HDAC8: variants seen among roughly 807,000 people sequenced by gnomAD.
HDAC8 encodes histone deacetylase-like 1.
Under a neutral mutation model 32.2 loss-of-function variants are expected in HDAC8, and 1 was observed. The ratio of observed to expected loss-of-function variants is 0.03; its 90% CI spans 0.01 to 0.15. The LOEUF (loss-of-function observed/expected upper bound fraction) is 0.15. HDAC8 is among the 10% of genes least tolerant of loss of function. The pLI, the probability that HDAC8 is intolerant of heterozygous loss-of-function variation, is 1.00. For missense variants in HDAC8, 117 were observed against 300.0 expected (o/e 0.39, Z 4.51); for synonymous variants, 108 against 113.9 (o/e 0.95, Z 0.33).
intron 9 of HDAC8, among the ~76,000 whole-genome samples, chrX:72,428,892 T>C (rs1345701922): frequency 8.9e-6 from 1 of 112,007 alleles, no homozygotes. Flanking sequence ...TTTTCTCTCC[T>C]ATGGACGTAG....
chrX:72,556,298 C>A (rs182761074), intron 4 of HDAC8, among the ~76,000 whole-genome samples: 82 of 111,699 alleles, frequency 7.3e-4, no homozygotes, highest in African/African-American at 2.4e-3. Flanking sequence ...GAAATAGAAG[C>A]TCCTTAAAGC....
chrX:72,528,486 C>T (rs1446781744), intron 4 of HDAC8, among the ~76,000 whole-genome samples: 2 of 111,857 alleles, frequency 1.8e-5, no homozygotes, highest in Non-Finnish European at 3.8e-5. Context: ...AAATGGGCTT[C>T]CCCAGGGAAA....
At chrX:72,560,181 A>G (rs1400060570) in intron 4 of HDAC8, among the ~76,000 whole-genome samples, 1 of 112,246 alleles carries the variant, frequency 8.9e-6, no homozygotes, top group Non-Finnish European at 1.9e-5. Flanking sequence ...GTGTAGAGGG[A>G]AGTAGACGTA....
chrX:72,399,546 T>A (rs1426341297), intron 9 of HDAC8, among the ~76,000 whole-genome samples: 1 of 112,217 alleles, frequency 8.9e-6, no homozygotes, highest in Non-Finnish European at 1.9e-5. Flanking sequence ...CTATATTGAT[T>A]GATTCAGACT....
chrX:72,537,986 T>C (rs2050583675), intron 4 of HDAC8, among the ~76,000 whole-genome samples: 2 of 111,410 alleles, frequency 1.8e-5, no homozygotes, highest in African/African-American at 6.5e-5. Flanking sequence ...AATTTAGTAG[T>C]ATCAGTTGTA....
chrX:72,338,549 G>C (rs1363605408), intron 10 of HDAC8, among the ~76,000 whole-genome samples: 2 of 106,650 alleles, frequency 1.9e-5, no homozygotes, highest in South Asian at 4.1e-4. Context: ...ATTTAGGACT[G>C]TTGAAAAATG....
chrX:72,536,606 T>C (rs1193344586), intron 4 of HDAC8, among the ~76,000 whole-genome samples: 18 of 112,310 alleles, frequency 1.6e-4, no homozygotes, highest in African/African-American at 5.8e-4. Flanking sequence ...ATGCACCTAA[T>C]TGTGGGAAAT....
chrX:72,531,526 AAAC>A (rs1253410228), intron 4 of HDAC8, among the ~76,000 whole-genome samples: 2 of 111,987 alleles, frequency 1.8e-5, no homozygotes, highest in Non-Finnish European at 3.8e-5. Context: ...TTTAAAAAGA[AAAC>A]AACTTTTTTG....
chrX:72,355,720 G>C (rs1555950554), intron 9 of HDAC8, among the ~76,000 whole-genome samples: 2 of 111,966 alleles, frequency 1.8e-5, no homozygotes, highest in Non-Finnish European at 3.8e-5. Flanking sequence ...CACAGTGAAA[G>C]CGGCATACAA....
At chrX:72,504,552 A>ACACCCACACACC (rs1556017930) in intron 4 of HDAC8, among the ~76,000 whole-genome samples, 12 of 111,351 alleles carry the variant, frequency 1.1e-4, no homozygotes. Context: ...ACACACACAC[A>ACACCCACACACC]CACCCACACA....
intron 10 of HDAC8, among the ~76,000 whole-genome samples, chrX:72,344,853 A>G (rs2043982292): frequency 8.9e-6 from 1 of 111,878 alleles, no homozygotes; most frequent in African/African-American, 3.3e-5. Context: ...TTGCAGTCTC[A>G]GTCTTGCACT....
At chrX:72,571,676 C>A (rs1206233339) in intron 2 of HDAC8, among the ~76,000 whole-genome samples, 4 of 103,532 alleles carry the variant, frequency 3.9e-5, no homozygotes, top group African/African-American at 1.4e-4. Context: ...AAGCGATTCT[C>A]CTGCCTCAGC....
intron 9 of HDAC8, among the ~76,000 whole-genome samples, chrX:72,420,335 T>C (rs1555973141): frequency 1.8e-5 from 2 of 112,100 alleles, no homozygotes; most frequent in Non-Finnish European, 3.8e-5. Context: ...TTTGTTTGTT[T>C]CTAGGAATTT....
intron 9 of HDAC8, among the ~76,000 whole-genome samples, chrX:72,401,777 CAT>C (rs2045908050): frequency 8.9e-6 from 1 of 112,273 alleles, no homozygotes; most frequent in African/African-American, 3.2e-5. Flanking sequence ...TCCCATATCA[CAT>C]ATGATTTGCA....
chrX:72,339,886 T>C (rs2043841701), intron 10 of HDAC8, among the ~76,000 whole-genome samples: 1 of 112,233 alleles, frequency 8.9e-6, no homozygotes, highest in Non-Finnish European at 1.9e-5. Flanking sequence ...TTGCTTGCCT[T>C]GGAATGTCGA....
intron 4 of HDAC8, among the ~76,000 whole-genome samples, chrX:72,527,796 A>G (rs1258395115): frequency 1.2e-5 from 1 of 81,554 alleles, no homozygotes; most frequent in Non-Finnish European, 2.3e-5. Flanking sequence ...TTTTTTTGAG[A>G]TGGAGTTTTG....
chrX:72,371,891 A>G (rs782158786), intron 9 of HDAC8, among the ~76,000 whole-genome samples: 2 of 111,974 alleles, frequency 1.8e-5, no homozygotes, highest in Admixed American at 1.9e-4. Context: ...GGGAGGGGAC[A>G]GATAGTAAAT....
In HDAC8 at chrX:72,462,076, C is replaced by T. The variant is rs183108231; in HGVS notation, c.933G>A (p.Thr311=). 99 of 1,205,863 alleles carry T rather than the reference C, an allele frequency of 8.2e-5. No individual in the cohort carries two copies. In the African/African-American group the frequency reaches 1.0e-3, roughly 13 times the overall value. ...LGGGGYNLAN[T]ARCWTYLTGV... is the part of the protein sequence containing the mutation. ...CGGTCAAGTATGTCCAGCATCGAGC[C>T]GTGTTGGCAAGGTTATAGCCTCCTG... Residue 311 remains threonine (T), a synonymous_variant, in exon 9 of 11, where the codon ACG becomes ACA. Transcript: ENST00000373573.
chrX:72,568,178 A>T (rs1403414589), intron 3 of HDAC8, 148 bp from the exon 4 acceptor site: 5 of 485,562 alleles, frequency 1.0e-5, no homozygotes, highest in African/African-American at 2.4e-5. Context: ...AATGTTGGGG[A>T]TATAATATTT....
Sources: allele counts gnomAD v4.1 joint callset (sites outside exome capture counted in the v4.1 genomes callset), GRCh38; gene constraint gnomAD v4.1.1; transcripts MANE v1.5; gene names NCBI Gene and HGNC (gene_info 2026-07-23, HGNC 2026-07-21).